Variants in TNFAIP8 observed in about 807,000 individuals in gnomAD.
TNFAIP8 encodes tumor necrosis factor alpha-induced protein 8.
TNFAIP8 carries 7 observed loss-of-function variants against 13.3 expected under a neutral mutation model. The observed-to-expected ratio is 0.52, with a 90% CI of 0.30 to 0.99. The LOEUF (loss-of-function observed/expected upper bound fraction) is 0.99, where lower values mean the gene tolerates loss of function less well. Ranked by LOEUF, TNFAIP8 falls within the 50% of genes least tolerant of loss-of-function variation. The pLI is 0.07. For synonymous variants in TNFAIP8, 94 were observed against 87.6 expected, an observed-to-expected ratio of 1.07 and a Z score of -0.41; for missense variants, 258 against 236.9, an observed-to-expected ratio of 1.09 and a Z score of -0.58.
In TNFAIP8 at chr5:119,394,524, A is replaced by T. The variant is rs1288668443; in HGVS notation, c.*1143A>T. On this transcript the variant is annotated 3_prime_UTR_variant, in exon 2 of 2. Coordinates refer to ENST00000504771, the MANE Select transcript of TNFAIP8 (RefSeq NM_014350.4). ...CATTTGTTTATTTTGTAAAAAAGAA[A>T]TGAAAATCTGCTGGCCAGCTATGTC... The T allele has an allele frequency of 6.6e-6, 1 of 152,222 alleles. No individual in the cohort carries two copies. Among genetic ancestry groups the T allele is most frequent in the East Asian group, 1.9e-4 (1 of 5,192 alleles). 9.4% of individuals were successfully genotyped at this position (152,222 alleles called of 1,614,324 possible).
intron 1 of TNFAIP8, among the ~76,000 whole-genome samples, chr5:119,317,547 T>G (rs975030981): frequency 1.3e-5 from 2 of 149,788 alleles, no homozygotes; most frequent in Non-Finnish European, 3.0e-5. Flanking sequence ...CAGGTTATAT[T>G]GACCTATATT....
At chr5:119,389,813 G>A (rs930351336) in intron 1 of TNFAIP8, among the ~76,000 whole-genome samples, 2 of 152,230 alleles carry the variant, frequency 1.3e-5, no homozygotes, top group South Asian at 2.1e-4. Flanking sequence ...TTTCTGGAGC[G>A]GGGTTTGAAG....
At chr5:119,306,318 C>CTTTCTTTT (rs1561993322) in intron 1 of TNFAIP8, 5 of 121,758 alleles carry the variant, frequency 4.1e-5, no homozygotes, top group African/African-American at 1.7e-4. Context: ...TTCTTTCTTT[C>CTTTCTTTT]TTTTTCTTTT....
chr5:119,343,239 G>A (rs1345516400), intron 1 of TNFAIP8, among the ~76,000 whole-genome samples: 4 of 152,262 alleles, frequency 2.6e-5, no homozygotes, highest in East Asian at 1.9e-4. Context: ...GCATTTGCTC[G>A]GCACTCTGTT....
chr5:119,333,460 A>T (rs990931538), intron 1 of TNFAIP8: 3 of 1,417,238 alleles, frequency 2.1e-6, no homozygotes, highest in African/African-American at 2.9e-5. Context: ...GAATAGTATA[A>T]ATTATTTTGA....
chr5:119,276,975 C>CCTA (rs1748474004), intron 1 of TNFAIP8, among the ~76,000 whole-genome samples: 3 of 152,042 alleles, frequency 2.0e-5, no homozygotes, highest in Non-Finnish European at 4.4e-5. Context: ...TACATATGTA[C>CCTA]CTATGATAAA....
intron 1 of TNFAIP8, among the ~76,000 whole-genome samples, chr5:119,305,435 A>G (rs1437713120): frequency 6.6e-6 from 1 of 152,166 alleles, no homozygotes; most frequent in Non-Finnish European, 1.5e-5. Context: ...TTCTAATTTT[A>G]AAGGTCATTT....
chr5:119,391,371 G>T (rs1174566353), intron 1 of TNFAIP8: 2 of 702,018 alleles, frequency 2.8e-6, no homozygotes, highest in Non-Finnish European at 5.2e-6. Flanking sequence ...CCAGGCCTAG[G>T]CTTAAACACT....
chr5:119,322,578 C>T (rs1457926105), intron 1 of TNFAIP8, among the ~76,000 whole-genome samples: 4 of 152,214 alleles, frequency 2.6e-5, no homozygotes, highest in Admixed American at 6.5e-5. Context: ...CCATTCCAAA[C>T]GAGTCCATGC....
intron 1 of TNFAIP8, among the ~76,000 whole-genome samples, chr5:119,350,781 A>G (rs1341375126): frequency 6.6e-6 from 1 of 152,186 alleles, no homozygotes; most frequent in Non-Finnish European, 1.5e-5. Context: ...GGGATTACCC[A>G]TAACTTCAAA....
intron 1 of TNFAIP8, among the ~76,000 whole-genome samples, chr5:119,303,595 A>G (rs149831030): frequency 6.6e-6 from 1 of 152,224 alleles, no homozygotes; most frequent in Non-Finnish European, 1.5e-5. Context: ...GTGTAATGGC[A>G]TATTAACCGG....
At chr5:119,349,785 CAG>C (rs1424628156) in intron 1 of TNFAIP8, among the ~76,000 whole-genome samples, 2 of 152,200 alleles carry the variant, frequency 1.3e-5, no homozygotes, top group African/African-American at 4.8e-5. Flanking sequence ...GTCATTTGAA[CAG>C]AGAGATTTGA....
In TNFAIP8 at chr5:119,393,127, A is replaced by C. The variant is rs1180431164; in HGVS notation, c.343A>C (p.Ser115Arg). ...TCATCAGCTTGCTATGACCGTGGTCAGTTTCCATCAGGTGGATTATACCTT... is the reference window on the plus strand; with the variant it reads ...TCATCAGCTTGCTATGACCGTGGTCCGTTTCCATCAGGTGGATTATACCTT... Reference protein sequence around the residue: ...KVHQLAMTVVSFHQVDYTFDR... With the variant: ...KVHQLAMTVVRFHQVDYTFDR... The change falls in exon 2 of 2, where the codon AGT becomes CGT. Residue 115 changes from serine to arginine, a missense_variant. Coordinates refer to ENST00000504771, the MANE Select transcript of TNFAIP8 (RefSeq NM_014350.4). 1 of 1,614,038 alleles carries C rather than the reference A, an allele frequency of 6.2e-7. No individual in the cohort carries two copies. Among genetic ancestry groups the C allele is most frequent in the East Asian group, 2.2e-5 (1 of 44,880 alleles).
intron 1 of TNFAIP8, chr5:119,333,486 G>A: frequency 6.9e-7 from 1 of 1,456,302 alleles, no homozygotes; most frequent in Non-Finnish European, 9.1e-7. Context: ...TCTTGAGAAG[G>A]ACTGAGTCTC....
chr5:119,307,767 G>T (rs1749612073), intron 1 of TNFAIP8, among the ~76,000 whole-genome samples: 1 of 151,800 alleles, frequency 6.6e-6, no homozygotes. Context: ...TAGTAAGACT[G>T]TGTGTATATA....
At chr5:119,371,297 A>G (rs1752059829) in intron 1 of TNFAIP8, among the ~76,000 whole-genome samples, 2 of 152,194 alleles carry the variant, frequency 1.3e-5, no homozygotes, top group Non-Finnish European at 1.5e-5. Context: ...TTCGTTGCCT[A>G]TATAAAGACT....
Position 119,315,782 on chromosome 5 carries a change from T to C in TNFAIP8, c.1+46875T>C, listed in dbSNP as rs144204460. 3.3e-3 allele frequency among the ~76,000 whole-genome samples: 505 copies of C among 152,280 alleles called. 2 individuals carry two copies. The highest frequency in any genetic ancestry group is 0.012 in the African/African-American group (494 of 41,568). ...CCTGGTAGTGTCGTCTATCTGAAGA[T>C]GAACCCCACCTCCACCACCCACACA... On this transcript the variant is annotated intron_variant, in intron 1 of 1. Transcript: ENST00000274456.
intron 1 of TNFAIP8, among the ~76,000 whole-genome samples, chr5:119,288,266 G>C (rs1561984043): frequency 6.6e-6 from 1 of 152,076 alleles, no homozygotes; most frequent in African/African-American, 2.4e-5. Flanking sequence ...ATGGACACTT[G>C]ATATGTTTCT....
At chr5:119,381,143 A>G (rs1470472055) in intron 1 of TNFAIP8, among the ~76,000 whole-genome samples, 1 of 152,208 alleles carries the variant, frequency 6.6e-6, no homozygotes, top group South Asian at 2.1e-4. Context: ...AGCCATTTCT[A>G]AGAGGCCTCC....
Sources: allele counts gnomAD v4.1 joint callset (sites outside exome capture counted in the v4.1 genomes callset), GRCh38; gene constraint gnomAD v4.1.1; transcripts MANE v1.5; gene names NCBI Gene and HGNC (gene_info 2026-07-23, HGNC 2026-07-21).